The following RASGEF1C variants were observed in gnomAD, a reference collection of about 807,000 sequenced individuals.
RASGEF1C encodes the protein RasGEF domain family member 1C.
Under a neutral mutation model 58.1 loss-of-function variants are expected in RASGEF1C, and 27 were observed. The observed-to-expected ratio is 0.46, with a 90% CI of 0.34 to 0.64. RASGEF1C has a LOEUF of 0.64. Among genes scored for constraint, RASGEF1C ranks in the 30% least tolerant of loss-of-function variants. The pLI is 0.01. For missense variants in RASGEF1C, 502 were observed against 605.1 expected (o/e 0.83, Z 1.79); for synonymous variants, 243 against 246.3 (o/e 0.99, Z 0.13).
At chr5:180,132,643 T>G (rs36110665) in intron 4 of RASGEF1C, among the ~76,000 whole-genome samples, 38,446 of 152,122 alleles carry the variant, frequency 0.25, 5,261 homozygotes, top group South Asian at 0.32. Flanking sequence ...AGGGCAGTGG[T>G]CAGTTCCCCA....
rs189468095 is a variant in RASGEF1C, at chr5:180,163,378, C to T, written c.-6-25320G>A. Among the ~76,000 whole-genome samples, 12 of 151,694 alleles carry T rather than the reference C, an allele frequency of 7.9e-5. No homozygotes were observed. In the East Asian group the frequency reaches 9.7e-4, roughly 12 times the overall value. ...CTTTTACCATTAAATATGATATTAGCGGTAGGTTTTGTGAAAATGCCCTTT... is the reference window on the plus strand; with the variant it reads ...CTTTTACCATTAAATATGATATTAGTGGTAGGTTTTGTGAAAATGCCCTTT... On this transcript the variant is annotated intron_variant, in intron 1 of 13. Transcript: ENST00000361132.
At position 180,123,350 on chromosome 5, in the gene RASGEF1C, G is replaced by A. The variant is rs184887470; in HGVS notation, c.715-2201C>T. Among the ~76,000 whole-genome samples the A allele has an allele frequency of 7.4e-4, 112 of 152,252 alleles. 1 individual carries two copies. The East Asian group carries it at 0.017, about 23-fold the overall frequency. ...GGAGATTGAAAAAGAAAAACAAAAC[G>A]CAACCCAGGATGAATATGAATCTCA... is the stretch of plus-strand genomic sequence containing the variant. On this transcript the variant is annotated intron_variant, in intron 6 of 13. Transcript: ENST00000361132.
chr5:180,163,254 C>CTTT lies in RASGEF1C; in HGVS notation c.-6-25197_-6-25196insAAA, dbSNP rs1187829324. 3.9e-4 allele frequency among the ~76,000 whole-genome samples: 28 copies of CTTT among 71,048 alleles called. 3 individuals are homozygous for CTTT. The highest frequency in any genetic ancestry group is 8.4e-4 in the Admixed American group (5 of 5,926). 46.6% of individuals were successfully genotyped at this position (71,048 alleles called of 152,430 possible). A position where few individuals can be genotyped will look rare whatever the true frequency, so the allele number is the denominator to read the frequency against. ...CACTTTTTTTTTTTTTTTTTTTTTC[C>CTTT]AGCCTATTGCACTGGCTAGGACTTC... On this transcript the variant is annotated intron_variant, in intron 1 of 13. Transcript: ENST00000361132.
At position 180,190,948 on chromosome 5, in the gene RASGEF1C, CA is replaced by C. The variant is rs1299929850; in HGVS notation, c.-7+18079del. ...TTTGATGAAAAGAACCCTCAGAAAA[CA>C]ATAAGAAAATGAACCCAATTAAAAA... On this transcript the variant is annotated intron_variant, in intron 1 of 13. Transcript: ENST00000361132. Among the ~76,000 whole-genome samples the C allele has an allele frequency of 2.6e-5, 4 of 152,162 alleles. No homozygotes were observed. In the East Asian group the frequency reaches 5.8e-4, roughly 22 times the overall value.
rs760547086 is a variant in RASGEF1C at position 180,156,306 on chromosome 5, G to GA, written c.-6-18249_-6-18248insT. On this transcript the variant is annotated intron_variant, in intron 1 of 13. Coordinates refer to ENST00000361132, the MANE Select transcript of RASGEF1C (RefSeq NM_175062.4). This position sits in a 1 kb window ranked among gnomAD's most constrained non-coding sequence, Gnocchi z 4.9. ...AGGAGGTGAGCGGATCAGTCTCCAGGCTGTGGTCTGATTCCCGCTTCTCTG... is the reference window on the plus strand; with the variant it reads ...AGGAGGTGAGCGGATCAGTCTCCAGGACTGTGGTCTGATTCCCGCTTCTCTG... Among the ~76,000 whole-genome samples the GA allele has an allele frequency of 6.6e-6, 1 of 152,176 alleles. No individual in the cohort carries two copies. The highest frequency in any genetic ancestry group is 1.5e-5 in the Non-Finnish European group (1 of 68,050).
At position 180,158,895 on chromosome 5, in the gene RASGEF1C, G is replaced by A. The variant is rs1490479158; in HGVS notation, c.-6-20837C>T. On this transcript the variant is annotated intron_variant, in intron 1 of 13. Transcript: ENST00000361132. The surrounding 1 kb of genome is among the most constrained non-coding windows in gnomAD (Gnocchi z 4.0). ...CTTAGCACTCATTTTTGGACCCCCT[G>A]GACTTGTCCTCCAATTTAAAAAATA... is the stretch of plus-strand genomic sequence containing the variant. 1.3e-5 allele frequency among the ~76,000 whole-genome samples: 2 copies of A among 151,866 alleles called. 1 individual carries two copies. Among genetic ancestry groups the A allele is most frequent in the Admixed American group, 1.3e-4 (2 of 15,236 alleles).
intron 11 of RASGEF1C, among the ~76,000 whole-genome samples, chr5:180,113,363 CGGGATGGACGGAGGGACCG>C (rs1766001894): frequency 1.2e-4 from 1 of 8,104 alleles, no homozygotes; most frequent in African/African-American, 5.5e-4. Flanking sequence ...CTGAGGGATC[CGGGATGGACGGAGGGACCG>C]GGGATGGACG....
At chr5:180,129,607 C>T (rs1016094601) in intron 4 of RASGEF1C, among the ~76,000 whole-genome samples, 37 of 152,190 alleles carry the variant, frequency 2.4e-4, no homozygotes, top group African/African-American at 8.0e-4. Context: ...GTCTCAAAAT[C>T]GCATGAAGGA....
chr5:180,176,643 G>A (rs1288624908), intron 1 of RASGEF1C, among the ~76,000 whole-genome samples: 3 of 149,756 alleles, frequency 2.0e-5, no homozygotes, highest in Admixed American at 6.7e-5. Flanking sequence ...TGCAAGCTCC[G>A]CCTCCCGGGT....
At chr5:180,141,920 G>C (rs747528737) in intron 1 of RASGEF1C, among the ~76,000 whole-genome samples, 8 of 152,040 alleles carry the variant, frequency 5.3e-5, no homozygotes, top group Non-Finnish European at 1.0e-4. Context: ...ATGTTAGCCA[G>C]GATGGTCTCG....
At chr5:180,188,761 A>G (rs1269685149) in intron 1 of RASGEF1C, among the ~76,000 whole-genome samples, 3 of 152,160 alleles carry the variant, frequency 2.0e-5, no homozygotes, top group African/African-American at 7.2e-5. Context: ...GGCTTGGGGT[A>G]CGAATGATCC....
rs576850355 is a variant in RASGEF1C, at chr5:180,185,442, G to A, written c.-7+23586C>T. ...TCTACTAAAAATACAAAAATTAGCCGGGCATGGTGGTGTGTGCCTGTAATC... is the reference window on the plus strand; with the variant it reads ...TCTACTAAAAATACAAAAATTAGCCAGGCATGGTGGTGTGTGCCTGTAATC... On this transcript the variant is annotated intron_variant, in intron 1 of 13. Coordinates refer to ENST00000361132, the MANE Select transcript of RASGEF1C (RefSeq NM_175062.4). Among the ~76,000 whole-genome samples the A allele has an allele frequency of 2.6e-3, 402 of 151,918 alleles. 1 individual carries two copies. The highest frequency in any genetic ancestry group is 7.4e-3 in the African/African-American group (306 of 41,416).
chr5:180,111,903 G>A (rs1765965318), intron 11 of RASGEF1C, among the ~76,000 whole-genome samples: 1 of 152,184 alleles, frequency 6.6e-6, no homozygotes. Context: ...ATTCATTTAA[G>A]TGTGATTTTA....
At chr5:180,122,764 CAAAAACA>C (rs1163436098) in intron 6 of RASGEF1C, among the ~76,000 whole-genome samples, 5 of 120,106 alleles carry the variant, frequency 4.2e-5, no homozygotes, top group African/African-American at 1.3e-4. Context: ...AAAACTAAAA[CAAAAACA>C]AAAAACAAAA....
chr5:180,184,159 A>G (rs1158167658), intron 1 of RASGEF1C, among the ~76,000 whole-genome samples: 2 of 141,862 alleles, frequency 1.4e-5, no homozygotes, highest in Non-Finnish European at 3.0e-5. Context: ...GCGAGACTCC[A>G]TCTTGAAATA....
At chr5:180,127,394 C>T (rs574488420) in intron 6 of RASGEF1C, among the ~76,000 whole-genome samples, 145 of 152,370 alleles carry the variant, frequency 9.5e-4, no homozygotes, top group African/African-American at 3.2e-3. Context: ...ACCCCCACGT[C>T]CCGCACGTCC....
At chr5:180,196,544 G>C (rs1352030671) in intron 1 of RASGEF1C, among the ~76,000 whole-genome samples, 1 of 151,956 alleles carries the variant, frequency 6.6e-6, no homozygotes, top group Admixed American at 6.6e-5. Flanking sequence ...GTATTGTTCA[G>C]GTTTTGTATT....
intron 1 of RASGEF1C, among the ~76,000 whole-genome samples, chr5:180,190,709 C>G (rs1756149416): frequency 6.6e-6 from 1 of 151,564 alleles, no homozygotes; most frequent in Non-Finnish European, 1.5e-5. Context: ...ATTACAGAAA[C>G]AACAGTAAAA....
chr5:180,124,778 C>G (rs529548634), intron 6 of RASGEF1C, among the ~76,000 whole-genome samples: 3 of 151,794 alleles, frequency 2.0e-5, no homozygotes, highest in Non-Finnish European at 2.9e-5. Flanking sequence ...GAGCGAAGAT[C>G]GTGCTATTGC....
Sources: allele counts gnomAD v4.1 joint callset (sites outside exome capture counted in the v4.1 genomes callset), GRCh38; gene constraint gnomAD v4.1.1; non-coding constraint Gnocchi (gnomAD v3.1); transcripts MANE v1.5; gene names NCBI Gene and HGNC (gene_info 2026-07-23, HGNC 2026-07-21).